The following SEMA5A variants were observed in gnomAD, a reference collection of about 807,000 sequenced individuals.
SEMA5A encodes the protein semaphorin-5A.
In SEMA5A, 55 loss-of-function variants were observed where a neutral mutation model predicts 135.5. The ratio of observed to expected loss-of-function variants is 0.41; its 90% CI spans 0.33 to 0.51. The LOEUF (loss-of-function observed/expected upper bound fraction) is 0.51. Ranked by LOEUF, SEMA5A falls within the 20% of genes least tolerant of loss-of-function variation. SEMA5A has a pLI of 0.37. For missense variants in SEMA5A, 1,290 were observed against 1,419.9 expected, an observed-to-expected ratio of 0.91 and a Z score of 1.47; for synonymous variants, 580 against 546.5, an observed-to-expected ratio of 1.06 and a Z score of -0.85.
At chr5:9,091,989 C>A (rs1739059926) in intron 16 of SEMA5A, among the ~76,000 whole-genome samples, 1 of 152,200 alleles carries the variant, frequency 6.6e-6, no homozygotes, top group Non-Finnish European at 1.5e-5. Context: ...TCCTTCCATT[C>A]TTTGAACACC....
intron 3 of SEMA5A, among the ~76,000 whole-genome samples, chr5:9,347,967 C>T (rs1213832180): frequency 1.3e-5 from 2 of 152,144 alleles, no homozygotes; most frequent in South Asian, 4.1e-4. Context: ...ACTGTTACCC[C>T]ACGTTTTCAA....
At position 9,472,192 on chromosome 5, in the gene SEMA5A, T is replaced by G. The variant is rs1200800769; in HGVS notation, c.-174-34340A>C. The stretch of plus-strand genomic sequence containing the variant: ...CAACCAATCATGTTTTCTGACAGCA[T>G]GCATCCTCTGGGAAATATTTCCTCC... On this transcript the variant is annotated intron_variant, in intron 1 of 22. Coordinates refer to ENST00000382496, the MANE Select transcript of SEMA5A (RefSeq NM_003966.3). Among the ~76,000 whole-genome samples, 5 of 152,214 alleles carry G rather than the reference T, an allele frequency of 3.3e-5. No individual in the cohort carries two copies. In the East Asian group the frequency reaches 9.6e-4, roughly 29 times the overall value.
intron 1 of SEMA5A, among the ~76,000 whole-genome samples, chr5:9,508,014 A>AG: frequency 6.8e-6 from 1 of 147,698 alleles, no homozygotes; most frequent in East Asian, 2.0e-4. Flanking sequence ...AAAAAAAAAA[A>AG]AAAGAAAAGA....
intron 2 of SEMA5A, among the ~76,000 whole-genome samples, chr5:9,389,960 A>G (rs1756078463): frequency 1.3e-5 from 2 of 152,226 alleles, no homozygotes; most frequent in Admixed American, 6.5e-5. Flanking sequence ...CAGAAAAACA[A>G]TCAACACCTG....
intron 2 of SEMA5A, among the ~76,000 whole-genome samples, chr5:9,413,877 T>G (rs1340601480): frequency 1.3e-5 from 2 of 152,220 alleles, no homozygotes; most frequent in East Asian, 3.8e-4. Context: ...CTAGCATTTA[T>G]AAAGTTTATC....
chr5:9,463,478 C>G (rs1242363252), intron 1 of SEMA5A, among the ~76,000 whole-genome samples: 1 of 151,830 alleles, frequency 6.6e-6, no homozygotes, highest in African/African-American at 2.4e-5. Flanking sequence ...CTGTCAGTGG[C>G]AATCATTCTC....
At chr5:9,173,469 G>T (rs1744039390) in intron 11 of SEMA5A, among the ~76,000 whole-genome samples, 1 of 152,002 alleles carries the variant, frequency 6.6e-6, no homozygotes, top group South Asian at 2.1e-4. Flanking sequence ...CAAGATCAGG[G>T]TGCCTGCAGA....
At chr5:9,050,844 T>C (rs1450742667) in intron 20 of SEMA5A, among the ~76,000 whole-genome samples, 1 of 152,218 alleles carries the variant, frequency 6.6e-6, no homozygotes, top group Non-Finnish European at 1.5e-5. Flanking sequence ...AAGCCAGTGT[T>C]GTCACCTTCC....
At chr5:9,270,140 C>A (rs772340539) in intron 5 of SEMA5A, among the ~76,000 whole-genome samples, 2 of 152,034 alleles carry the variant, frequency 1.3e-5, no homozygotes, top group Non-Finnish European at 1.5e-5. Context: ...GTGATCTGCC[C>A]GCAGGAGAAA....
chr5:9,295,575 T>C (rs1751297691), intron 5 of SEMA5A, among the ~76,000 whole-genome samples: 2 of 152,214 alleles, frequency 1.3e-5, no homozygotes, highest in East Asian at 1.9e-4. Context: ...TTTTCTACTC[T>C]TCAGAGCTTA....
At chr5:9,247,723 GA>G (rs573822699) in intron 5 of SEMA5A, among the ~76,000 whole-genome samples, 27 of 152,172 alleles carry the variant, frequency 1.8e-4, no homozygotes, top group Admixed American at 3.3e-4. Context: ...CCCTCCTTAT[GA>G]ACCTTATTCA....
chr5:9,248,615 G>A (rs116755076), intron 5 of SEMA5A, among the ~76,000 whole-genome samples: 309 of 151,916 alleles, frequency 2.0e-3, no homozygotes, highest in African/African-American at 7.0e-3. Context: ...ATCTTGAGAT[G>A]GAGACATTAA....
chr5:9,274,570 C>T (rs769646260), intron 5 of SEMA5A, among the ~76,000 whole-genome samples: 44 of 152,204 alleles, frequency 2.9e-4, no homozygotes, highest in African/African-American at 5.1e-4. Context: ...AAATTGACCA[C>T]GTAAGTGGAT....
At chr5:9,434,607 G>C (rs983933570) in intron 2 of SEMA5A, among the ~76,000 whole-genome samples, 1 of 152,058 alleles carries the variant, frequency 6.6e-6, no homozygotes, top group Non-Finnish European at 1.5e-5. Flanking sequence ...TTGTGTGTGT[G>C]AGTCTGTGTT....
chr5:9,375,697 C>A (rs1472989131), intron 3 of SEMA5A, among the ~76,000 whole-genome samples: 2 of 151,000 alleles, frequency 1.3e-5, no homozygotes, highest in Non-Finnish European at 2.9e-5. Flanking sequence ...CTGGCTTTCC[C>A]AGAACAGAAG....
intron 5 of SEMA5A, among the ~76,000 whole-genome samples, 170 bp from the exon 6 acceptor site, chr5:9,238,060 G>T (rs1050472965): frequency 6.6e-6 from 1 of 152,120 alleles, no homozygotes; most frequent in African/African-American, 2.4e-5. Context: ...TTAGTCATGG[G>T]CTTAGATTTA....
chr5:9,050,317 A>G, intron 21 of SEMA5A, 93 bp downstream of exon 21: 1 of 1,206,724 alleles, frequency 8.3e-7, no homozygotes, highest in Non-Finnish European at 1.2e-6. Context: ...ATTCTTGGCC[A>G]AGAGGCAGAA....
intron 5 of SEMA5A, among the ~76,000 whole-genome samples, chr5:9,287,786 C>T (rs1750874109): frequency 1.3e-5 from 2 of 152,332 alleles, no homozygotes; most frequent in Non-Finnish European, 1.5e-5. Context: ...AAAGTCTCTG[C>T]ATTTACTATC....
chr5:9,379,791 G>T (rs376604371), intron 3 of SEMA5A, 32 bp downstream of exon 3: 26 of 1,601,678 alleles, frequency 1.6e-5, no homozygotes, highest in Non-Finnish European at 2.2e-5. Context: ...TTTAGATGAC[G>T]GCTTTGCAAT....
Sources: gnomAD v4.1 joint callset for allele counts (sites outside exome capture counted in the v4.1 genomes callset) on GRCh38, gnomAD v4.1.1 for gene constraint, MANE v1.5 for transcripts, NCBI Gene and HGNC (gene_info 2026-07-23, HGNC 2026-07-21) for gene names.